The following NOTCH2 variants were observed in gnomAD, a reference collection of about 807,000 sequenced individuals.
The protein encoded by NOTCH2 is notch receptor 2, also known as neurogenic locus notch homolog protein 2.
NOTCH2 carries 29 observed loss-of-function variants against 235.8 expected under a neutral mutation model. That is an observed-to-expected ratio of 0.12 (90% CI 0.09 to 0.17). NOTCH2 has a LOEUF of 0.17. Ranked by LOEUF, NOTCH2 falls within the 10% of genes least tolerant of loss-of-function variation. NOTCH2 has a pLI of 1.00. For missense variants in NOTCH2, 2,285 were observed against 3,150.2 expected, an observed-to-expected ratio of 0.73 and a Z score of 6.57; for synonymous variants, 1,086 against 1,141.5, an observed-to-expected ratio of 0.95 and a Z score of 0.98.
At chr1:119,965,877 G>A (rs1412018582) in intron 9 of NOTCH2, among the ~76,000 whole-genome samples, 1 of 152,164 alleles carries the variant, frequency 6.6e-6, no homozygotes, top group African/African-American at 2.4e-5. Flanking sequence ...CCTTCTCTCT[G>A]AAGATACAAT....
chr1:119,950,646 C>A (rs781832354), intron 15 of NOTCH2, 78 bp downstream of exon 15: 36 of 888,204 alleles, frequency 4.1e-5, no homozygotes, highest in Non-Finnish European at 6.8e-5. Context: ...CCCCACAGAC[C>A]TGGGCACTGA....
intron 1 of NOTCH2, among the ~76,000 whole-genome samples, chr1:120,035,388 T>A (rs587684542): frequency 9.9e-5 from 15 of 151,826 alleles, no homozygotes; most frequent in Non-Finnish European, 8.8e-5. Flanking sequence ...CTTTAACGAG[T>A]CTAGGCTCCC....
rs587653551 is a variant in NOTCH2 at position 120,063,532 on chromosome 1, C to T, written c.73+5802G>A. 2.4e-3 allele frequency among the ~76,000 whole-genome samples: 362 copies of T among 152,294 alleles called. No homozygotes were observed. In the Middle Eastern group the frequency reaches 0.027, roughly 11 times the overall value. Reference sequence around the variant, plus strand: ...ACAGAAGTCTGAAAATGCTGGATTTCGCAAATTTCTTTTAAGACAAAACAA... The same window carrying T: ...ACAGAAGTCTGAAAATGCTGGATTTTGCAAATTTCTTTTAAGACAAAACAA... On this transcript the variant is annotated intron_variant, in intron 1 of 33. Transcript: ENST00000256646.
At chr1:120,027,041 T>G (rs1653881870) in intron 2 of NOTCH2, among the ~76,000 whole-genome samples, 1 of 140,160 alleles carries the variant, frequency 7.1e-6, no homozygotes, top group African/African-American at 2.6e-5. Context: ...AAGCTCCGCC[T>G]CCTGGGTTCA....
At chr1:119,984,102 G>T (rs587772520) in intron 5 of NOTCH2, among the ~76,000 whole-genome samples, 2 of 152,126 alleles carry the variant, frequency 1.3e-5, no homozygotes, top group African/African-American at 4.8e-5. Context: ...AAAAGCATCA[G>T]ACTGAATCTA....
At position 120,069,647 on chromosome 1, in the gene NOTCH2, T is replaced by C; in HGVS notation, c.-241A>G. ...AGTTTGGCTGAAACTTTCTCGGGTG[T>C]GCAACGAAGCAGCCTCGTGTGTCCT... On this transcript the variant is annotated 5_prime_UTR_variant, in exon 1 of 34. Coordinates refer to ENST00000256646, the MANE Select transcript of NOTCH2 (RefSeq NM_024408.4). 2 of 1,381,250 alleles carry C rather than the reference T, an allele frequency of 1.4e-6. No individual in the cohort carries two copies. 85.6% of individuals were successfully genotyped at this position (1,381,250 alleles called of 1,614,324 possible).
chr1:119,987,320 A>G (rs1242304235), intron 4 of NOTCH2, among the ~76,000 whole-genome samples: 1 of 152,138 alleles, frequency 6.6e-6, no homozygotes, highest in Non-Finnish European at 1.5e-5. Flanking sequence ...GTTACCTCAC[A>G]AGTATTTCAA....
At chr1:120,027,080 TA>T (rs1374738228) in intron 2 of NOTCH2, among the ~76,000 whole-genome samples, 1 of 147,310 alleles carries the variant, frequency 6.8e-6, no homozygotes, top group East Asian at 2.0e-4. Context: ...GCCTCCCGAG[TA>T]ACTGGGATTA....
intron 22 of NOTCH2, among the ~76,000 whole-genome samples, chr1:119,933,224 T>C (rs1428511398): frequency 6.6e-6 from 1 of 152,156 alleles, no homozygotes; most frequent in Non-Finnish European, 1.5e-5. Context: ...AACTGTTACA[T>C]TTAGCCCTTG....
rs1649003808 is a variant in NOTCH2, at chr1:119,914,720, C to A, written c.*586G>T. On this transcript the variant is annotated 3_prime_UTR_variant, in exon 34 of 34. Transcript: ENST00000256646. ...GAGACTCCAAGGGATACCGGGAAGA[C>A]AGGAGGGGAAAGGAGACCAAAGTTG... 1 of 249,810 alleles carries A rather than the reference C, an allele frequency of 4.0e-6. No homozygotes were observed. The highest frequency in any genetic ancestry group is 1.3e-4 in the South Asian group (1 of 7,882). 15.5% of individuals were successfully genotyped at this position (249,810 alleles called of 1,614,324 possible).
Position 119,919,407 on chromosome 1 carries a change from G to A in NOTCH2, c.5686C>T (p.Leu1896Phe). The change falls in exon 31 of 34, where the codon CTC becomes TTC. Residue 1896 changes from leucine to phenylalanine, a missense_variant. Around this residue, in one of 6 missense-constraint regions of NOTCH2, gnomAD observed 128 missense variants for 255.9 expected, o/e 0.50. Transcript: ENST00000256646. ...TTGGCATCTGCACCTGCATCCAGGAGACGCTTGGCAGCATCAGCCCGTGAG... is the reference window on the plus strand; with the variant it reads ...TTGGCATCTGCACCTGCATCCAGGAAACGCTTGGCAGCATCAGCCCGTGAG... ...RYSRADAAKR[L>F]LDAGADANAQ... 5 of 1,613,850 alleles carry A rather than the reference G, an allele frequency of 3.1e-6. No homozygotes were observed. The highest frequency in any genetic ancestry group is 4.2e-6 in the Non-Finnish European group (5 of 1,180,038).
chr1:119,940,309 C>T (rs1650020116), intron 19 of NOTCH2, among the ~76,000 whole-genome samples: 1 of 152,064 alleles, frequency 6.6e-6, no homozygotes, highest in African/African-American at 2.4e-5. Flanking sequence ...TGTTTATTTC[C>T]CACATGTATT....
intron 12 of NOTCH2, among the ~76,000 whole-genome samples, chr1:119,957,780 T>A (rs1187593055): frequency 6.6e-6 from 1 of 150,426 alleles, no homozygotes; most frequent in Non-Finnish European, 1.5e-5. Context: ...AGAAAGAATA[T>A]GATTCATTGG....
At chr1:119,999,789 C>G (rs1247073563) in intron 3 of NOTCH2, among the ~76,000 whole-genome samples, 1 of 151,484 alleles carries the variant, frequency 6.6e-6, no homozygotes, top group African/African-American at 2.4e-5. Flanking sequence ...GGCTGAGGCA[C>G]AAGAATCACT....
chr1:119,924,595 T>C (rs1479684651), intron 25 of NOTCH2, among the ~76,000 whole-genome samples: 1 of 152,184 alleles, frequency 6.6e-6, no homozygotes, highest in Non-Finnish European at 1.5e-5. Context: ...TACAAACTAT[T>C]CCATCTATAC....
chr1:119,925,003 A>T (rs1189963360), intron 25 of NOTCH2, among the ~76,000 whole-genome samples: 3 of 152,184 alleles, frequency 2.0e-5, no homozygotes, highest in Non-Finnish European at 4.4e-5. Context: ...CAGGCAGGTT[A>T]TGTGAGAGGC....
chr1:120,055,918 G>T (rs77722120), intron 1 of NOTCH2, among the ~76,000 whole-genome samples: 5,356 of 144,962 alleles, frequency 0.037, 315 homozygotes, highest in African/African-American at 0.13. Flanking sequence ...GACAGGCAGA[G>T]GTTCACAGGC....
rs781980709 is a variant in NOTCH2, at chr1:119,987,072, C to G, written c.762G>C (p.Gly254=). 1 of 1,613,568 alleles carries G rather than the reference C, an allele frequency of 6.2e-7. No individual in the cohort carries two copies. The highest frequency in any genetic ancestry group is 1.1e-5 in the South Asian group (1 of 91,080). Residue 254 remains glycine, a synonymous_variant, in exon 5 of 34, where the codon GGG becomes GGC. Transcript: ENST00000256646. The part of the protein sequence containing the change: ...FECNCLPGFE[G]STCERNIDDC... ...CATCAATATTCCTCTCACAGGTGCT[C>G]CCTTCAAAACCTGGTAAATGAAGAA...
At chr1:119,931,145 T>C (rs143902193) in intron 22 of NOTCH2, among the ~76,000 whole-genome samples, 1 of 150,850 alleles carries the variant, frequency 6.6e-6, no homozygotes, top group Non-Finnish European at 1.5e-5. Flanking sequence ...CAGTTCTGTA[T>C]GTATTCCTGC....
Sources: allele counts gnomAD v4.1 joint callset (sites outside exome capture counted in the v4.1 genomes callset), GRCh38; gene constraint gnomAD v4.1.1; regional missense constraint gnomAD v4.1.1; transcripts MANE v1.5; gene names NCBI Gene and HGNC (gene_info 2026-07-23, HGNC 2026-07-21).